The following CFAP91 variants were observed in gnomAD, a reference collection of about 807,000 sequenced individuals.
The protein encoded by CFAP91 is cilia and flagella associated protein 91, also known as cilia- and flagella-associated protein 91.
CFAP91 carries 85 observed loss-of-function variants against 95.9 expected under a neutral mutation model. That is an observed-to-expected ratio of 0.89 (90% CI 0.74 to 1.06). The LOEUF (loss-of-function observed/expected upper bound fraction) is 1.06. CFAP91 is among the 50% of genes least tolerant of loss of function. The pLI is 0.00. For missense variants in CFAP91, 962 were observed against 943.4 expected (o/e 1.02, Z -0.26); for synonymous variants, 335 against 327.5 (o/e 1.02, Z -0.25).
chr3:119,742,146 AT>A (rs1443365317), intron 13 of CFAP91, among the ~76,000 whole-genome samples: 1 of 152,136 alleles, frequency 6.6e-6, no homozygotes, highest in East Asian at 1.9e-4. Flanking sequence ...CATTTATTCC[AT>A]TTAGTGGATA....
At chr3:119,704,928 C>T (rs1185189622) in intron 1 of CFAP91, among the ~76,000 whole-genome samples, 1 of 152,132 alleles carries the variant, frequency 6.6e-6, no homozygotes, top group Admixed American at 6.5e-5. Flanking sequence ...GGGTTTGTAG[C>T]CTAGGAGCAA....
In CFAP91 at chr3:119,765,873, G is replaced by C. The variant is rs563230875; in HGVS notation, c.*823G>C. On this transcript the variant is annotated 3_prime_UTR_variant, in exon 18 of 18. Transcript: ENST00000273390. ...TACTCTGAAAACAAAGCTTATGTTA[G>C]AGAATATCTTACTGTAAGAAACAAG... 6.6e-6 allele frequency: 1 copy of C among 152,316 alleles called. No homozygotes were observed. Among genetic ancestry groups the C allele is most frequent in the African/African-American group, 2.4e-5 (1 of 41,568 alleles). The allele number at this position is 152,316 out of a possible 1,614,324, so 9.4% of individuals were successfully genotyped here. A position where few individuals can be genotyped will look rare whatever the true frequency, so the allele number is the denominator to read the frequency against.
intron 14 of CFAP91, 77 bp from the exon 15 acceptor site, chr3:119,747,038 A>G (rs1472678639): frequency 8.6e-7 from 1 of 1,168,914 alleles, no homozygotes; most frequent in African/African-American, 1.6e-5. Context: ...GAAAAAGTTA[A>G]CCAATGTTTG....
At chr3:119,743,864 C>T (rs1202807934) in intron 13 of CFAP91, 111 bp from the exon 14 acceptor site, 3 of 948,322 alleles carry the variant, frequency 3.2e-6, no homozygotes, top group African/African-American at 3.3e-5. Flanking sequence ...AAATTAAATG[C>T]ATTCTGAAAG....
intron 6 of CFAP91, among the ~76,000 whole-genome samples, chr3:119,721,755 C>A (rs1201957532): frequency 6.6e-6 from 1 of 152,182 alleles, no homozygotes; most frequent in African/African-American, 2.4e-5. Flanking sequence ...TAGAAAGAAG[C>A]AGCAAAACTA....
intron 17 of CFAP91, among the ~76,000 whole-genome samples, chr3:119,760,286 C>A (rs1250946661): frequency 2.0e-5 from 3 of 151,532 alleles, no homozygotes; most frequent in Non-Finnish European, 4.4e-5. Context: ...AAAATGAGAC[C>A]AAAAAGGTCA....
chr3:119,740,874 T>A (rs1481401889), intron 13 of CFAP91, 179 bp downstream of exon 13: 2 of 698,188 alleles, frequency 2.9e-6, no homozygotes, highest in Admixed American at 2.5e-5. Flanking sequence ...TGTGTGTGTG[T>A]GATGGAGTTT....
chr3:119,747,625 G>C (rs2054247956), intron 15 of CFAP91, 186 bp from the exon 16 acceptor site: 1 of 603,476 alleles, frequency 1.7e-6, no homozygotes, highest in Non-Finnish European at 2.8e-6. Context: ...CTGAAGGACA[G>C]GGTCAAATCC....
intron 12 of CFAP91, 61 bp downstream of exon 12, chr3:119,739,387 A>C: frequency 1.4e-6 from 2 of 1,478,170 alleles, no homozygotes; most frequent in Non-Finnish European, 1.9e-6. Context: ...TTTAGAATGC[A>C]TATGTGCTTG....
chr3:119,722,499 T>C (rs1409383968), intron 6 of CFAP91, among the ~76,000 whole-genome samples: 2 of 152,016 alleles, frequency 1.3e-5, no homozygotes, highest in Non-Finnish European at 2.9e-5. Context: ...ATTCATTTAT[T>C]TGTTTTAGAG....
intron 17 of CFAP91, among the ~76,000 whole-genome samples, chr3:119,764,445 G>A (rs2054594288): frequency 6.6e-6 from 1 of 152,080 alleles, no homozygotes; most frequent in Admixed American, 6.6e-5. Context: ...AAACGGGTAA[G>A]CAGCTATGGG....
At chr3:119,734,520 A>G (rs1460478208) in intron 10 of CFAP91, among the ~76,000 whole-genome samples, 1 of 152,126 alleles carries the variant, frequency 6.6e-6, no homozygotes, top group Non-Finnish European at 1.5e-5. Context: ...GTTGAATTTT[A>G]TCAAATGTTT....
chr3:119,755,527 T>C (rs931628458), intron 17 of CFAP91, among the ~76,000 whole-genome samples: 1 of 152,136 alleles, frequency 6.6e-6, no homozygotes, highest in Non-Finnish European at 1.5e-5. Flanking sequence ...CCTCTCTTCC[T>C]CCATCTTCAA....
At chr3:119,710,045 G>T in intron 5 of CFAP91, 150 bp downstream of exon 5, 1 of 621,128 alleles carries the variant, frequency 1.6e-6, no homozygotes. Flanking sequence ...TGTGTCATGA[G>T]CAGCATTTTA....
rs78226299 is a variant in CFAP91 at position 119,734,243 on chromosome 3, G to A, written c.1344+737G>A. 3.0e-3 allele frequency among the ~76,000 whole-genome samples: 459 copies of A among 152,162 alleles called. 2 individuals carry two copies. The highest frequency in any genetic ancestry group is 5.2e-3 in the Non-Finnish European group (352 of 68,000). On this transcript the variant is annotated intron_variant, in intron 10 of 17. Coordinates refer to ENST00000273390, the MANE Select transcript of CFAP91 (RefSeq NM_033364.4). ...GTTTTATAATACACTCTCATCACTG[G>A]CCCATGCATGCTTGTTTGTTCAGTT...
In CFAP91 at chr3:119,703,194, C is replaced by G; in HGVS notation, c.96C>G (p.Ser32=). 1 of 1,611,478 alleles carries G rather than the reference C, an allele frequency of 6.2e-7. No individual in the cohort carries two copies. The highest frequency in any genetic ancestry group is 1.1e-5 in the South Asian group (1 of 90,534). The change falls in exon 1 of 18, where the codon TCC becomes TCG. Residue 32 remains serine (S), a synonymous_variant. Transcript: ENST00000273390. ...RERSRAGSHI[S]SNRAYDFLYD... The stretch of plus-strand genomic sequence containing the variant: ...GGTCGCGGGCTGGGAGCCACATCTC[C>G]TCCAATCGAGCGTATGATTTTCTGT...
rs763427808 is a variant in CFAP91, at chr3:119,726,289, G to A, written c.801G>A (p.Arg267=). 4.3e-6 allele frequency: 7 copies of A among 1,613,938 alleles called. No homozygotes were observed. The highest frequency in any genetic ancestry group is 5.9e-6 in the Non-Finnish European group (7 of 1,179,944). ...ACACCTCCCAGTTTGAGAAGAGGAG[G>A]AAAATGATGAATGAAATGGAGAGGA... ...LSDTSQFEKR[R]KMMNEMERKE... is the part of the protein sequence containing the mutation. The change falls in exon 7 of 18, where the codon AGG becomes AGA. Residue 267 remains arginine (R), a synonymous_variant. Coordinates refer to ENST00000273390, the MANE Select transcript of CFAP91 (RefSeq NM_033364.4).
chr3:119,703,208 A>C lies in CFAP91; in HGVS notation c.110A>C (p.Tyr37Ser), dbSNP rs761031580. The change falls in exon 1 of 18, where the codon TAT becomes TCT. Residue 37 changes from tyrosine (Y) to serine (S), a missense_variant. Tyr to Ser is a moderately radical substitution (Grantham distance 144). Coordinates refer to ENST00000273390, the MANE Select transcript of CFAP91 (RefSeq NM_033364.4). ...AGCCACATCTCCTCCAATCGAGCGT[A>C]TGATTTTCTGTACGGTAAGGACCGC... Reference protein sequence around the residue: ...AGSHISSNRAYDFLYDPLFIV... With the variant: ...AGSHISSNRASDFLYDPLFIV... The C allele has an allele frequency of 6.2e-7, 1 of 1,612,232 alleles. No homozygotes were observed. The highest frequency in any genetic ancestry group is 1.3e-5 in the African/African-American group (1 of 75,036).
chr3:119,715,502 A>G, intron 5 of CFAP91, 60 bp from the exon 6 acceptor site: 1 of 1,344,752 alleles, frequency 7.4e-7, no homozygotes, highest in Non-Finnish European at 1.1e-6. Flanking sequence ...CTACTTGATT[A>G]TATAATATTT....
Sources: gnomAD v4.1 joint callset for allele counts (sites outside exome capture counted in the v4.1 genomes callset) on GRCh38, gnomAD v4.1.1 for gene constraint, MANE v1.5 for transcripts, NCBI Gene and HGNC (gene_info 2026-07-23, HGNC 2026-07-21) for gene names.